Variants in NDC1 observed in about 807,000 individuals in gnomAD.
The protein encoded by NDC1 is NDC1 transmembrane nucleoporin, also known as nucleoporin NDC1.
A neutral mutation model predicts 89.8 loss-of-function variants in NDC1; 24 were observed. The ratio of observed to expected loss-of-function variants is 0.27; its 90% CI spans 0.19 to 0.38. The LOEUF (loss-of-function observed/expected upper bound fraction) is 0.38, where lower values mean the gene tolerates loss of function less well. Among genes scored for constraint, NDC1 ranks in the 10% least tolerant of loss-of-function variants. The pLI is 1.00. For synonymous variants in NDC1, 296 were observed against 284.8 expected (o/e 1.04, Z -0.39); for missense variants, 728 against 797.6 (o/e 0.91, Z 1.05).
In NDC1 at chr1:53,827,988, T is replaced by C; in HGVS notation, c.455+11A>G. ...AATGAGATTCCTAAGGAAATATATATTTAATATTACCTGTTAGTACCAGTG... is the reference window on the plus strand; with the variant it reads ...AATGAGATTCCTAAGGAAATATATACTTAATATTACCTGTTAGTACCAGTG... On this transcript the variant is annotated intron_variant, in intron 4 of 17. Transcript: ENST00000371429. The C allele has an allele frequency of 6.3e-7, 1 of 1,580,784 alleles. No individual in the cohort carries two copies.
chr1:53,826,037 C>T, intron 4 of NDC1, 101 bp from the exon 5 acceptor site: 1 of 1,184,656 alleles, frequency 8.4e-7, no homozygotes, highest in Non-Finnish European at 1.2e-6. Context: ...ACTTTAATGA[C>T]TTAAGAAATG....
chr1:53,825,460 A>AAAAG (rs1039370528), intron 5 of NDC1, among the ~76,000 whole-genome samples: 1 of 142,192 alleles, frequency 7.0e-6, no homozygotes. Flanking sequence ...CTCCAAAAAA[A>AAAAG]AAGAAGCTAC....
chr1:53,795,657 C>T (rs1647672961), intron 13 of NDC1, among the ~76,000 whole-genome samples: 1 of 152,130 alleles, frequency 6.6e-6, no homozygotes, highest in Non-Finnish European at 1.5e-5. Flanking sequence ...AAATACATAC[C>T]TAGACCTTGA....
At chr1:53,829,725 C>T (rs888762427) in intron 3 of NDC1, among the ~76,000 whole-genome samples, 5 of 152,204 alleles carry the variant, frequency 3.3e-5, no homozygotes, top group Non-Finnish European at 7.3e-5. Context: ...GACCCCTCAA[C>T]TGACATATTA....
rs570843321 is a variant in NDC1 at position 53,806,689 on chromosome 1, T to C, written c.892-172A>G. Among the ~76,000 whole-genome samples, 347 of 152,334 alleles carry C rather than the reference T, an allele frequency of 2.3e-3. 1 individual carries two copies. The highest frequency in any genetic ancestry group is 7.7e-3 in the African/African-American group (322 of 41,584). On this transcript the variant is annotated intron_variant, in intron 8 of 17. Coordinates refer to ENST00000371429, the MANE Select transcript of NDC1 (RefSeq NM_018087.5). ...CCAAACACACCATTTTTTTTAATGT[T>C]ACTTTCCCAACTTTATTAGACTCTG...
chr1:53,796,603 C>G, intron 13 of NDC1, 86 bp downstream of exon 13: 13 of 511,134 alleles, frequency 2.5e-5, no homozygotes, highest in Non-Finnish European at 3.5e-5. Context: ...AAAAAAGCTT[C>G]TTATTCCTGA....
intron 11 of NDC1, among the ~76,000 whole-genome samples, chr1:53,798,192 T>C (rs1385853558): frequency 1.6e-5 from 2 of 128,466 alleles, no homozygotes; most frequent in African/African-American, 5.4e-5. Context: ...TATTTTGAGA[T>C]AGAGTCTCAC....
At chr1:53,823,595 A>AG (rs1648743756) in intron 5 of NDC1, among the ~76,000 whole-genome samples, 2 of 152,230 alleles carry the variant, frequency 1.3e-5, no homozygotes, top group Non-Finnish European at 2.9e-5. Context: ...ATGGAGGTCC[A>AG]GCAAGGTATT....
At position 53,827,923 on chromosome 1, in the gene NDC1, T is replaced by C. The variant is rs1421031997; in HGVS notation, c.455+76A>G. The C allele has an allele frequency of 1.0e-4, 112 of 1,107,864 alleles. No homozygotes were observed. The East Asian group carries it at 2.3e-3, about 22-fold the overall frequency. 68.6% of individuals were successfully genotyped at this position (1,107,864 alleles called of 1,614,324 possible). On this transcript the variant is annotated intron_variant, in intron 4 of 17. Coordinates refer to ENST00000371429, the MANE Select transcript of NDC1 (RefSeq NM_018087.5). ...AAGTCTGGAAAGCAAAGAATACTCATAGGATTAACCTATATAGGTCACCTT... is the reference window on the plus strand; with the variant it reads ...AAGTCTGGAAAGCAAAGAATACTCACAGGATTAACCTATATAGGTCACCTT...
chr1:53,834,964 C>A (rs764380972), intron 2 of NDC1, among the ~76,000 whole-genome samples: 1 of 123,988 alleles, frequency 8.1e-6, no homozygotes, highest in African/African-American at 4.5e-5. Context: ...AAAAATCAGC[C>A]GGGCGTGGTG....
intron 4 of NDC1, among the ~76,000 whole-genome samples, chr1:53,826,854 T>G (rs1557589503): frequency 6.6e-6 from 1 of 152,126 alleles, no homozygotes; most frequent in East Asian, 1.9e-4. Flanking sequence ...ATGATGAAGA[T>G]TAGTTTTGTT....
rs969817248 is a variant in NDC1, at chr1:53,787,867, A to T, written c.1700-609T>A. 9.4e-3 allele frequency among the ~76,000 whole-genome samples: 57 copies of T among 6,058 alleles called. No individual in the cohort carries two copies. In the East Asian group the frequency reaches 0.11, roughly 12 times the overall value. 4.0% of individuals were successfully genotyped at this position (6,058 alleles called of 152,430 possible). ...GCGTAATAATATGTGCCAGGAAATTAAAAAAAAAAAAAAAAACATGTGGTA... is the reference window on the plus strand; with the variant it reads ...GCGTAATAATATGTGCCAGGAAATTTAAAAAAAAAAAAAAAACATGTGGTA... On this transcript the variant is annotated intron_variant, in intron 15 of 17. Coordinates refer to ENST00000371429, the MANE Select transcript of NDC1 (RefSeq NM_018087.5).
intron 14 of NDC1, among the ~76,000 whole-genome samples, chr1:53,790,785 C>G (rs1464555048): frequency 6.6e-6 from 1 of 152,134 alleles, no homozygotes; most frequent in Non-Finnish European, 1.5e-5. Context: ...TACCCTCAAC[C>G]CCACTCAAAG....
chr1:53,810,777 G>T (rs992188632), intron 6 of NDC1, among the ~76,000 whole-genome samples: 3 of 152,190 alleles, frequency 2.0e-5, no homozygotes, highest in African/African-American at 7.2e-5. Flanking sequence ...ATGGCAGATG[G>T]GTGGCAGGAC....
intron 3 of NDC1, among the ~76,000 whole-genome samples, chr1:53,830,578 A>G (rs1649025016): frequency 6.6e-6 from 1 of 152,200 alleles, no homozygotes; most frequent in African/African-American, 2.4e-5. Flanking sequence ...CAAATGATGT[A>G]GGCTGGGCGC....
At position 53,807,636 on chromosome 1, in the gene NDC1, A is replaced by T; in HGVS notation, c.891+20T>A. ...TCCAAAACACAAAAGTATTAAGAAA[A>T]AATATTTTAAAAAACATACCTCTGT... On this transcript the variant is annotated intron_variant, in intron 8 of 17. Transcript: ENST00000371429. 6.3e-7 allele frequency: 1 copy of T among 1,585,636 alleles called. No individual in the cohort carries two copies. The highest frequency in any genetic ancestry group is 8.5e-7 in the Non-Finnish European group (1 of 1,170,878).
chr1:53,826,584 G>A (rs1257671303), intron 4 of NDC1, among the ~76,000 whole-genome samples: 1 of 152,162 alleles, frequency 6.6e-6, no homozygotes, highest in Non-Finnish European at 1.5e-5. Flanking sequence ...ACTGCTTTAA[G>A]CCACTACCCT....
chr1:53,835,396 T>C, intron 2 of NDC1, 104 bp downstream of exon 2: 1 of 824,464 alleles, frequency 1.2e-6, no homozygotes. Context: ...GATGTGTCAA[T>C]ATAACATAGG....
intron 11 of NDC1, among the ~76,000 whole-genome samples, chr1:53,797,604 A>G (rs1208782559): frequency 1.3e-5 from 2 of 152,038 alleles, no homozygotes; most frequent in Non-Finnish European, 2.9e-5. Flanking sequence ...CATTTTCCCC[A>G]GTTTTTTCCT....
Sources: gnomAD v4.1 joint callset for allele counts (sites outside exome capture counted in the v4.1 genomes callset) on GRCh38, gnomAD v4.1.1 for gene constraint, MANE v1.5 for transcripts, NCBI Gene and HGNC (gene_info 2026-07-23, HGNC 2026-07-21) for gene names.